Variants in TMEM43 observed in about 807,000 individuals in gnomAD.
TMEM43 encodes transmembrane protein 43.
TMEM43 carries 45 observed loss-of-function variants against 49.6 expected under a neutral mutation model. The ratio of observed to expected loss-of-function variants is 0.91; its 90% CI spans 0.71 to 1.16. The LOEUF is 1.16. Among genes scored for constraint, TMEM43 ranks in the 50% most tolerant of loss-of-function variants. The probability of loss-of-function intolerance (pLI) is 0.00; values close to 1 mark genes in which losing one functional copy is unlikely to be tolerated. For missense variants in TMEM43, 532 were observed against 516.6 expected (o/e 1.03, Z -0.29); for synonymous variants, 199 against 207.8 (o/e 0.96, Z 0.36).
At chr3:14,133,896 G>C in intron 7 of TMEM43, 87 bp downstream of exon 7, 1 of 1,194,772 alleles carries the variant, frequency 8.4e-7, no homozygotes, top group Non-Finnish European at 1.3e-6. Flanking sequence ...GCCTTCAGAG[G>C]GCTAAAGGCA....
At position 14,142,723 on chromosome 3, in the gene TMEM43, T is replaced by C. The variant is rs1418953708; in HGVS notation, c.*928T>C. 6.5e-6 allele frequency: 1 copy of C among 152,680 alleles called. No individual in the cohort carries two copies. The highest frequency in any genetic ancestry group is 1.5e-5 in the Non-Finnish European group (1 of 68,054). The allele number at this position is 152,680 out of a possible 1,614,324, so 9.5% of individuals were successfully genotyped here. A position where few individuals can be genotyped will look rare whatever the true frequency, so the allele number is the denominator to read the frequency against. On this transcript the variant is annotated 3_prime_UTR_variant, in exon 12 of 12. Transcript: ENST00000306077. ...TGTCACTGAGAAGCTTTACAATGGA[T>C]GCTTTTGAAACAAGTATCAGCAAAA...
At chr3:14,138,777 G>T (rs190573445) in intron 10 of TMEM43, among the ~76,000 whole-genome samples, 30 of 152,346 alleles carry the variant, frequency 2.0e-4, no homozygotes, top group Non-Finnish European at 3.4e-4. Context: ...AGCCTGAGAA[G>T]GAGGGTGCAG....
chr3:14,135,762 T>G, intron 9 of TMEM43, 45 bp from the exon 10 acceptor site: 1 of 1,559,814 alleles, frequency 6.4e-7, no homozygotes, highest in Non-Finnish European at 8.8e-7. Flanking sequence ...TGGGCGTGTC[T>G]CCCGCTGGTC....
At position 14,142,102 on chromosome 3, in the gene TMEM43, A is replaced by T. The variant is rs1695258015; in HGVS notation, c.*307A>T. On this transcript the variant is annotated 3_prime_UTR_variant, in exon 12 of 12. Transcript: ENST00000306077. Reference sequence around the variant, plus strand: ...ACTGAGTGGGTACGGCCAGCCACTCAGCCCATTGGCAGCTGACAACGCAGA... The same window carrying T: ...ACTGAGTGGGTACGGCCAGCCACTCTGCCCATTGGCAGCTGACAACGCAGA... The T allele has an allele frequency of 2.3e-6, 1 of 438,570 alleles. No homozygotes were observed. Among genetic ancestry groups the T allele is most frequent in the South Asian group, 2.3e-5 (1 of 42,686 alleles). The allele number at this position is 438,570 out of a possible 1,614,324, so 27.2% of individuals were successfully genotyped here. A position where few individuals can be genotyped will look rare whatever the true frequency, so the allele number is the denominator to read the frequency against.
intron 2 of TMEM43, 91 bp downstream of exon 2, chr3:14,129,652 C>T: frequency 7.1e-7 from 1 of 1,408,116 alleles, no homozygotes. Flanking sequence ...ATTTGGTAAT[C>T]AAGGGCCTAG....
rs903187822 is a variant in TMEM43 at position 14,125,073 on chromosome 3, T to C, written c.-121T>C. On this transcript the variant is annotated 5_prime_UTR_variant, in exon 1 of 12. Transcript: ENST00000306077. ...AACTGCAGTAAGTCCCGCTTGGCCC[T>C]GGAGTCCACGCGGATTTTCGAAGCT... 1.5e-6 allele frequency: 2 copies of C among 1,308,492 alleles called. No individual in the cohort carries two copies. The highest frequency in any genetic ancestry group is 1.1e-6 in the Non-Finnish European group (1 of 927,976). The allele number at this position is 1,308,492 out of a possible 1,614,324, so 81.1% of individuals were successfully genotyped here.
At chr3:14,128,826 AAT>A in intron 1 of TMEM43, 1 of 395,500 alleles carries the variant, frequency 2.5e-6, no homozygotes, top group Non-Finnish European at 5.0e-6. Flanking sequence ...TTCATGTATG[AAT>A]ATTCACAGCA....
Position 14,130,905 on chromosome 3 carries a change from G to C in TMEM43, c.246G>C (p.Pro82=), listed in dbSNP as rs376098518. 6.2e-7 allele frequency: 1 copy of C among 1,613,522 alleles called. No homozygotes were observed. Among genetic ancestry groups the C allele is most frequent in the South Asian group, 1.1e-5 (1 of 91,032 alleles). ...CCGACAGCATCCACAGTGTGGCTCC[G>C]GAGAATGAAGGAAGGCTGGTGCACA... is the stretch of plus-strand genomic sequence containing the variant. ...VSPDSIHSVA[P]ENEGRLVHII... The change falls in exon 3 of 12, where the codon CCG becomes CCC. Residue 82 remains proline, a synonymous_variant. Coordinates refer to ENST00000306077, the MANE Select transcript of TMEM43 (RefSeq NM_024334.3).
chr3:14,130,698 G>C, intron 2 of TMEM43, 124 bp from the exon 3 acceptor site: 1 of 1,292,734 alleles, frequency 7.7e-7, no homozygotes. Flanking sequence ...TTTTCCAACT[G>C]TACGGTGGGG....
chr3:14,136,403 CTG>C (rs757626478), intron 10 of TMEM43, among the ~76,000 whole-genome samples: 1 of 152,184 alleles, frequency 6.6e-6, no homozygotes, highest in African/African-American at 2.4e-5. Flanking sequence ...GCCTCACAGA[CTG>C]TCCGGTAGAG....
At chr3:14,135,025 TG>T in intron 8 of TMEM43, 132 bp from the exon 9 acceptor site, 1 of 1,506,346 alleles carries the variant, frequency 6.6e-7, no homozygotes, top group Non-Finnish European at 9.2e-7. Context: ...AGAGGCCCTC[TG>T]GGTGACGGCA....
intron 4 of TMEM43, 120 bp from the exon 5 acceptor site, chr3:14,132,426 C>T (rs1695108567): frequency 1.0e-6 from 1 of 992,694 alleles, no homozygotes; most frequent in African/African-American, 1.6e-5. Flanking sequence ...GAGAAGGCAT[C>T]TGCCGTATCT....
At chr3:14,129,307 T>TAAAAAAAAAAAAAAAAAAAAA (rs10648308) in intron 1 of TMEM43, 105 bp from the exon 2 acceptor site, 3 of 380,672 alleles carry the variant, frequency 7.9e-6, no homozygotes, top group African/African-American at 6.9e-5. Flanking sequence ...CAGTTAAAAC[T>TAAAAAAAAAAAAAAAAAAAAA]AAAAAAAAAA....
intron 9 of TMEM43, 79 bp from the exon 10 acceptor site, chr3:14,135,728 C>A: frequency 7.8e-7 from 1 of 1,274,454 alleles, no homozygotes; most frequent in Non-Finnish European, 1.1e-6. Flanking sequence ...CACCCAGTCC[C>A]GGGAGGGTGG....
intron 8 of TMEM43, 62 bp from the exon 9 acceptor site, chr3:14,135,096 T>C: frequency 6.5e-7 from 1 of 1,546,578 alleles, no homozygotes; most frequent in African/African-American, 1.4e-5. Context: ...CGAGGCATCC[T>C]GGACCTGGGC....
chr3:14,136,689 C>T lies in TMEM43; in HGVS notation c.882+781C>T, dbSNP rs1044176237. 6.4e-5 allele frequency among the ~76,000 whole-genome samples: 9 copies of T among 139,786 alleles called. 1 individual carries two copies. Among genetic ancestry groups the T allele is most frequent in the Admixed American group, 3.6e-4 (5 of 14,016 alleles). 91.7% of individuals were successfully genotyped at this position (139,786 alleles called of 152,430 possible). On this transcript the variant is annotated intron_variant, in intron 10 of 11. Coordinates refer to ENST00000306077, the MANE Select transcript of TMEM43 (RefSeq NM_024334.3). ...GGAGTGCTGTGGCCACAGCCCAGAG[C>T]GGGGAGAGGGAGTGGGTGGGGGGGC...
intron 10 of TMEM43, among the ~76,000 whole-genome samples, chr3:14,136,502 G>A (rs897497056): frequency 3.9e-5 from 6 of 152,202 alleles, no homozygotes; most frequent in Admixed American, 2.6e-4. Context: ...ACCAGTGGAC[G>A]TCAGAGTAGA....
At chr3:14,139,053 C>T (rs1003935592) in intron 10 of TMEM43, 127 bp from the exon 11 acceptor site, 1 of 757,504 alleles carries the variant, frequency 1.3e-6, no homozygotes, top group South Asian at 1.4e-5. Context: ...CTTGCCCCCA[C>T]TCCGTCTGGC....
At chr3:14,134,551 C>T (rs1361119936) in intron 7 of TMEM43, among the ~76,000 whole-genome samples, 1 of 152,194 alleles carries the variant, frequency 6.6e-6, no homozygotes, top group Non-Finnish European at 1.5e-5. Flanking sequence ...GCTGTGGTCA[C>T]TCTGACTTGG....
Sources: gnomAD v4.1 joint callset for allele counts (sites outside exome capture counted in the v4.1 genomes callset) on GRCh38, gnomAD v4.1.1 for gene constraint, MANE v1.5 for transcripts, NCBI Gene and HGNC (gene_info 2026-07-23, HGNC 2026-07-21) for gene names.